The following SFRP1 variants were observed in gnomAD, a reference collection of about 807,000 sequenced individuals.
SFRP1 encodes the protein secreted frizzled related protein 1.
In SFRP1, 9 loss-of-function variants were observed where a neutral mutation model predicts 25.9. The observed-to-expected ratio is 0.35, with a 90% CI of 0.21 to 0.61. The LOEUF (loss-of-function observed/expected upper bound fraction) is 0.61, where lower values mean the gene tolerates loss of function less well. SFRP1 is among the 20% of genes least tolerant of loss of function. SFRP1 has a pLI of 0.78. For synonymous variants in SFRP1, 178 were observed against 174.0 expected (o/e 1.02, Z -0.18); for missense variants, 346 against 418.2 (o/e 0.83, Z 1.51).
chr8:41,268,668 G>A (rs1456181652), intron 2 of SFRP1, among the ~76,000 whole-genome samples: 1 of 152,172 alleles, frequency 6.6e-6, no homozygotes, highest in Admixed American at 6.5e-5. Flanking sequence ...TCTTTCAAGG[G>A]TTTGTTTTAG....
intron 2 of SFRP1, among the ~76,000 whole-genome samples, chr8:41,289,869 A>G (rs144176691): frequency 5.9e-4 from 90 of 152,346 alleles, no homozygotes; most frequent in South Asian, 2.7e-3. Context: ...TCTGGAGGAT[A>G]GTGGATTAGC....
intron 2 of SFRP1, among the ~76,000 whole-genome samples, chr8:41,283,505 G>C (rs185339292): frequency 6.6e-6 from 1 of 151,798 alleles, no homozygotes. Flanking sequence ...CAAAGTCAGC[G>C]GCTGAACTTG....
chr8:41,295,430 G>A (rs564251439), intron 2 of SFRP1, among the ~76,000 whole-genome samples: 9 of 151,798 alleles, frequency 5.9e-5, no homozygotes, highest in Admixed American at 2.6e-4. Context: ...TCGGGAGGCC[G>A]AGGCAGAAAA....
At chr8:41,267,093 G>A (rs1803445023) in intron 2 of SFRP1, among the ~76,000 whole-genome samples, 1 of 152,196 alleles carries the variant, frequency 6.6e-6, no homozygotes, top group Admixed American at 6.5e-5. Flanking sequence ...TTGACTTTCT[G>A]GCAGATTAGA....
chr8:41,275,439 A>G, intron 2 of SFRP1: 1 of 232,862 alleles, frequency 4.3e-6, no homozygotes, highest in Non-Finnish European at 8.7e-6. Context: ...AGAGGGGCCT[A>G]AAGTTCCCAA....
In SFRP1 at chr8:41,265,112, T is replaced by TCCCCCCCCCCCCCCCCCCCC; in HGVS notation, c.*54_*55insGGGGGGGGGGGGGGGGGGGG. ...GACCCACCGGGTTCCCGGGGCACTG[T>TCCCCCCCCCCCCCCCCCCCC]CCCCCCCGCTCCCACCCCACCCGAG... On this transcript the variant is annotated 3_prime_UTR_variant, in exon 3 of 3. Coordinates refer to ENST00000220772, the MANE Select transcript of SFRP1 (RefSeq NM_003012.5). The TCCCCCCCCCCCCCCCCCCCC allele has an allele frequency of 1.9e-6, 1 of 517,770 alleles. No homozygotes were observed. Among genetic ancestry groups the TCCCCCCCCCCCCCCCCCCCC allele is most frequent in the African/African-American group, 2.0e-5 (1 of 50,660 alleles). 32.1% of individuals were successfully genotyped at this position (517,770 alleles called of 1,614,324 possible). A position where few individuals can be genotyped will look rare whatever the true frequency, so the allele number is the denominator to read the frequency against.
At chr8:41,276,579 G>A (rs185569176) in intron 2 of SFRP1, among the ~76,000 whole-genome samples, 9 of 152,304 alleles carry the variant, frequency 5.9e-5, no homozygotes, top group African/African-American at 2.2e-4. Context: ...CTGACCACAA[G>A]CCACATGCTG....
At chr8:41,271,929 C>A (rs888084168) in intron 2 of SFRP1, among the ~76,000 whole-genome samples, 3 of 151,994 alleles carry the variant, frequency 2.0e-5, no homozygotes, top group South Asian at 4.2e-4. Flanking sequence ...TGCACCCCTG[C>A]GCTCCAGCCT....
rs1803387464 is a variant in SFRP1, at chr8:41,262,491, A to G, written c.*2676T>C. The G allele has an allele frequency of 6.6e-6, 1 of 152,214 alleles. No individual in the cohort carries two copies. The highest frequency in any genetic ancestry group is 1.5e-5 in the Non-Finnish European group (1 of 68,038). The allele number at this position is 152,214 out of a possible 1,614,324, so 9.4% of individuals were successfully genotyped here. A position where few individuals can be genotyped will look rare whatever the true frequency, so the allele number is the denominator to read the frequency against. On this transcript the variant is annotated 3_prime_UTR_variant, in exon 3 of 3. Transcript: ENST00000220772. The stretch of plus-strand genomic sequence containing the variant: ...GCTAACCCACAGGTACCAAGAGCCA[A>G]GTGTTACACAGGATATTTTAAAAAT...
At chr8:41,285,544 G>A (rs11786528) in intron 2 of SFRP1, among the ~76,000 whole-genome samples, 45,572 of 140,434 alleles carry the variant, frequency 0.32, 7,435 homozygotes, top group Middle Eastern at 0.39. Context: ...CAGATAAGTC[G>A]TTTCCTAAAA....
At chr8:41,296,865 C>T (rs1043632448) in intron 2 of SFRP1, among the ~76,000 whole-genome samples, 1 of 152,150 alleles carries the variant, frequency 6.6e-6, no homozygotes, top group African/African-American at 2.4e-5. Context: ...TCACAGCTCC[C>T]GCATTCAGCC....
At chr8:41,301,817 T>G (rs967737782) in intron 2 of SFRP1, among the ~76,000 whole-genome samples, 1 of 152,190 alleles carries the variant, frequency 6.6e-6, no homozygotes, top group African/African-American at 2.4e-5. Flanking sequence ...CGTGACTGGT[T>G]ATCGACATGA....
intron 2 of SFRP1, among the ~76,000 whole-genome samples, chr8:41,274,095 G>T (rs1030968044): frequency 6.6e-6 from 1 of 152,204 alleles, no homozygotes; most frequent in Admixed American, 6.5e-5. Flanking sequence ...CTCAGACTGG[G>T]GGCTGCATTG....
At chr8:41,268,351 C>G (rs541228909) in intron 2 of SFRP1, among the ~76,000 whole-genome samples, 1 of 152,350 alleles carries the variant, frequency 6.6e-6, no homozygotes, top group South Asian at 2.1e-4. Flanking sequence ...CAAAACCACT[C>G]TTTCCTGCCA....
chr8:41,282,739 C>T (rs1803651740), intron 2 of SFRP1, among the ~76,000 whole-genome samples: 1 of 151,942 alleles, frequency 6.6e-6, no homozygotes, highest in Admixed American at 6.6e-5. Context: ...ACTACATATT[C>T]AAAAATATTA....
chr8:41,284,351 AG>A (rs1279848341), intron 2 of SFRP1, among the ~76,000 whole-genome samples: 1 of 151,134 alleles, frequency 6.6e-6, no homozygotes, highest in African/African-American at 2.4e-5. Flanking sequence ...ACATTGCTGG[AG>A]GGCCCCTCCC....
chr8:41,273,633 C>G (rs1803538216), intron 2 of SFRP1, among the ~76,000 whole-genome samples: 1 of 151,998 alleles, frequency 6.6e-6, no homozygotes, highest in African/African-American at 2.4e-5. Context: ...TAAAAAAATG[C>G]AGAATTAAAC....
At chr8:41,306,986 T>C in intron 1 of SFRP1, 1 of 1,469,098 alleles carries the variant, frequency 6.8e-7, no homozygotes, top group Non-Finnish European at 9.0e-7. Context: ...TGTCCACTCA[T>C]GTCTGCAGAC....
At chr8:41,283,426 C>T (rs181272749) in intron 2 of SFRP1, among the ~76,000 whole-genome samples, 42 of 152,106 alleles carry the variant, frequency 2.8e-4, no homozygotes, top group African/African-American at 9.6e-4. Context: ...TGCAGGCCCC[C>T]GATTGCTGTT....
Sources: allele counts gnomAD v4.1 joint callset (sites outside exome capture counted in the v4.1 genomes callset), GRCh38; gene constraint gnomAD v4.1.1; transcripts MANE v1.5; gene names NCBI Gene and HGNC (gene_info 2026-07-23, HGNC 2026-07-21).